Variants in AKAP9 observed in about 807,000 individuals in gnomAD.
AKAP9 encodes the protein A-kinase anchoring protein 9.
A neutral mutation model predicts 488.5 loss-of-function variants in AKAP9; 311 were observed. That is an observed-to-expected ratio of 0.64 (90% CI 0.58 to 0.70). The LOEUF is 0.70. AKAP9 is among the 30% of genes least tolerant of loss of function. The pLI is 0.00. For synonymous variants in AKAP9, 1,462 were observed against 1,483.5 expected, an observed-to-expected ratio of 0.99 and a Z score of 0.33; for missense variants, 4,215 against 4,374.5, an observed-to-expected ratio of 0.96 and a Z score of 1.03.
chr7:92,102,014 G>C (rs893330484), intron 45 of AKAP9, among the ~76,000 whole-genome samples: 2 of 151,892 alleles, frequency 1.3e-5, no homozygotes, highest in Admixed American at 1.3e-4. Flanking sequence ...AAATTAGCCA[G>C]GCATGGTGGT....
At chr7:92,028,225 C>A (rs1308883373) in intron 14 of AKAP9, among the ~76,000 whole-genome samples, 40 of 144,882 alleles carry the variant, frequency 2.8e-4, no homozygotes, top group Admixed American at 2.1e-3. Context: ...CTGACCTTCT[C>A]TCCACTATTA....
At chr7:92,063,467 G>C in intron 24 of AKAP9, 1 of 954,866 alleles carries the variant, frequency 1.0e-6, no homozygotes, top group Non-Finnish European at 1.2e-6. Flanking sequence ...CCTAGGACTA[G>C]TAGATGCTGC....
Position 92,026,195 on chromosome 7 carries a change from G to T in AKAP9, c.4148+3186G>T, listed in dbSNP as rs1004218716. 3.9e-5 allele frequency among the ~76,000 whole-genome samples: 6 copies of T among 152,204 alleles called. No homozygotes were observed. In the South Asian group the frequency reaches 1.2e-3, roughly 32 times the overall value. On this transcript the variant is annotated intron_variant, in intron 14 of 49. Transcript: ENST00000356239. ...GGAAAATCAACAGGGGTTGCAGATA[G>T]TAGGAGCTTAATTGCAAGAGGGGAA...
rs1011546142 is a variant in AKAP9, at chr7:92,096,978, C to T, written c.10019C>T (p.Pro3340Leu). Residue 3340 changes from proline to leucine, a missense_variant, in exon 41 of 50, where the codon CCC (proline) becomes CTC (leucine). Around this residue, in one of 5 missense-constraint regions of AKAP9, gnomAD observed 1,476 missense variants for 1,477.4 expected, o/e 1.00. Transcript: ENST00000356239. The stretch of plus-strand genomic sequence containing the variant: ...ACTGGACAGTCTCGGCCACCCTTGC[C>T]CTCAGAGGACCTACTGAAAGAGCTG... Reference protein sequence around the residue: ...DGTGQSRPPLPSEDLLKELQK... With the variant: ...DGTGQSRPPLLSEDLLKELQK... 5 of 1,614,118 alleles carry T rather than the reference C, an allele frequency of 3.1e-6. No homozygotes were observed. The highest frequency in any genetic ancestry group is 1.7e-5 in the Admixed American group (1 of 60,024).
At chr7:92,042,563 G>T in intron 19 of AKAP9, 105 bp from the exon 20 acceptor site, 2 of 784,682 alleles carry the variant, frequency 2.5e-6, no homozygotes, top group Non-Finnish European at 4.3e-6. Flanking sequence ...GTGCACAGAG[G>T]TTTCTATTTT....
At chr7:92,043,331 A>G (rs1232725140) in intron 20 of AKAP9, 1 of 985,002 alleles carries the variant, frequency 1.0e-6, no homozygotes, top group Non-Finnish European at 1.2e-6. Context: ...CCATTGGATC[A>G]TCAGTATGGA....
chr7:92,061,202 T>C, intron 22 of AKAP9, 58 bp from the exon 23 acceptor site: 1 of 1,587,442 alleles, frequency 6.3e-7, no homozygotes, highest in Non-Finnish European at 8.6e-7. Flanking sequence ...TAATAGGGAA[T>C]GAAACTAGTA....
At chr7:91,962,699 A>G (rs1307443149) in intron 1 of AKAP9, among the ~76,000 whole-genome samples, 1 of 152,202 alleles carries the variant, frequency 6.6e-6, no homozygotes, top group African/African-American at 2.4e-5. Flanking sequence ...ATGCCATGGT[A>G]ATTTAATGTC....
chr7:92,085,570 G>C lies in AKAP9; in HGVS notation c.8908G>C (p.Asp2970His). Residue 2970 changes from aspartate to histidine, a missense_variant, in exon 36 of 50, where the codon GAC becomes CAC. This residue lies in a region of AKAP9 where 1,476 missense variants were observed against 1,477.4 expected (regional missense o/e 1.00). Coordinates refer to ENST00000356239, the MANE Select transcript of AKAP9 (RefSeq NM_005751.5). ...TGAGTCTCCCTATAGTGATGGAGAGGACCATTCTATTCAGCAGGTTTCAGA... is the reference window on the plus strand; with the variant it reads ...TGAGTCTCCCTATAGTGATGGAGAGCACCATTCTATTCAGCAGGTTTCAGA... ...LTESPYSDGE[D>H]HSIQQVSEPW... is the part of the protein sequence containing the mutation. The C allele has an allele frequency of 6.2e-7, 1 of 1,613,914 alleles. No individual in the cohort carries two copies. Among genetic ancestry groups the C allele is most frequent in the South Asian group, 1.1e-5 (1 of 91,070 alleles).
chr7:91,987,242 ACCC>A (rs1335934179), intron 3 of AKAP9, among the ~76,000 whole-genome samples: 1 of 151,448 alleles, frequency 6.6e-6, no homozygotes, highest in Non-Finnish European at 1.5e-5. Flanking sequence ...ACATGCTGAA[ACCC>A]CATGTCTACT....
Position 92,002,021 on chromosome 7 carries a change from C to T in AKAP9, c.2104C>T (p.Leu702=), listed in dbSNP as rs1282422771. Residue 702 remains leucine, a synonymous_variant, in exon 8 of 50, where the codon CTA becomes TTA. Coordinates refer to ENST00000356239, the MANE Select transcript of AKAP9 (RefSeq NM_005751.5). ...QNQLILEISK[L]KDLQQSLVNS... is the part of the protein sequence containing the mutation. ...TCAATTAATTTTGGAAATTTCAAAGCTAAAAGATTTACAGCAGTCTCTTGT... is the reference window on the plus strand; with the variant it reads ...TCAATTAATTTTGGAAATTTCAAAGTTAAAAGATTTACAGCAGTCTCTTGT... The T allele has an allele frequency of 6.2e-7, 1 of 1,610,466 alleles. No homozygotes were observed. The highest frequency in any genetic ancestry group is 1.7e-4 in the Middle Eastern group (1 of 6,046).
In AKAP9 at chr7:92,079,765, G is replaced by T; in HGVS notation, c.7632G>T (p.Gln2544His). 1 of 1,614,080 alleles carries T rather than the reference G, an allele frequency of 6.2e-7. No individual in the cohort carries two copies. Among genetic ancestry groups the T allele is most frequent in the South Asian group, 1.1e-5 (1 of 91,074 alleles). The change falls in exon 31 of 50, where the codon CAG (glutamine) becomes CAT (histidine). Residue 2544 changes from glutamine (Q) to histidine (H), a missense_variant. This residue lies in a region of AKAP9 where 1,476 missense variants were observed against 1,477.4 expected (regional missense o/e 1.00). Transcript: ENST00000356239. ...TTCAAAAGAAGATTGTAAACCTACA[G>T]AAAATAGTTGAAGAAAAAGTGGCTG... ...EMLQKKIVNL[Q>H]KIVEEKVAAA...
intron 41 of AKAP9, 73 bp from the exon 42 acceptor site, chr7:92,097,513 G>A: frequency 6.5e-7 from 1 of 1,536,744 alleles, no homozygotes; most frequent in Admixed American, 1.8e-5. Flanking sequence ...CAATAATTGT[G>A]TTCCCTTAAG....
chr7:91,963,618 C>CT (rs1375191615), intron 1 of AKAP9, among the ~76,000 whole-genome samples: 1 of 152,076 alleles, frequency 6.6e-6, no homozygotes, highest in African/African-American at 2.4e-5. Context: ...CCCGGATTCA[C>CT]ACCATTCTCC....
chr7:92,042,329 A>G, intron 19 of AKAP9, 143 bp downstream of exon 19: 1 of 1,065,834 alleles, frequency 9.4e-7, no homozygotes, highest in South Asian at 1.3e-5. Context: ...AGGTAGGTGG[A>G]GTCAAAATGC....
At chr7:91,998,563 G>T (rs1798719564) in intron 7 of AKAP9, among the ~76,000 whole-genome samples, 1 of 149,914 alleles carries the variant, frequency 6.7e-6, no homozygotes, top group Non-Finnish European at 1.5e-5. Context: ...AATTATTGTT[G>T]GTTGTTATTA....
intron 1 of AKAP9, among the ~76,000 whole-genome samples, chr7:91,971,714 C>T (rs915436470): frequency 6.6e-6 from 1 of 151,490 alleles, no homozygotes; most frequent in Admixed American, 6.6e-5. Flanking sequence ...ATTACAGGCG[C>T]CTGCCACCAC....
intron 8 of AKAP9, 110 bp from the exon 9 acceptor site, chr7:92,012,319 G>A: frequency 1.0e-6 from 1 of 998,918 alleles, no homozygotes. Flanking sequence ...TTAGACTTCA[G>A]TTCTCATGAA....
intron 1 of AKAP9, among the ~76,000 whole-genome samples, chr7:91,941,553 T>G (rs1047959484): frequency 6.6e-6 from 1 of 152,096 alleles, no homozygotes; most frequent in African/African-American, 2.4e-5. Flanking sequence ...GGGTTGGGGA[T>G]TTGTGCGCTG....
Sources: gnomAD v4.1 joint callset for allele counts (sites outside exome capture counted in the v4.1 genomes callset) on GRCh38, gnomAD v4.1.1 for gene constraint, gnomAD v4.1.1 regional missense constraint, MANE v1.5 for transcripts, NCBI Gene and HGNC (gene_info 2026-07-23, HGNC 2026-07-21) for gene names.